The following TEK variants were observed in gnomAD, a reference collection of about 807,000 sequenced individuals.
TEK encodes the protein angiopoietin-1 receptor.
Under a neutral mutation model 131.8 loss-of-function variants are expected in TEK, and 43 were observed. That is an observed-to-expected ratio of 0.33 (90% CI 0.26 to 0.42). The LOEUF is 0.42. TEK is among the 10% of genes least tolerant of loss of function. The pLI, the probability that TEK is intolerant of heterozygous loss-of-function variation, is 1.00. For missense variants in TEK, 1,162 were observed against 1,384.4 expected (o/e 0.84, Z 2.55); for synonymous variants, 580 against 491.6 (o/e 1.18, Z -2.38).
intron 4 of TEK, among the ~76,000 whole-genome samples, chr9:27,171,984 C>A (rs1282738985): frequency 6.6e-6 from 1 of 152,196 alleles, no homozygotes; most frequent in African/African-American, 2.4e-5. Flanking sequence ...GAAGGTCAGA[C>A]ATACCTATAC....
In TEK at chr9:27,177,358, G is replaced by A. The variant is rs530017076; in HGVS notation, c.902-2882G>A. Among the ~76,000 whole-genome samples, 75 of 152,322 alleles carry A rather than the reference G, an allele frequency of 4.9e-4. 1 individual carries two copies. The highest frequency in any genetic ancestry group is 1.6e-3 in the African/African-American group (67 of 41,566). The stretch of plus-strand genomic sequence containing the variant: ...CTACATCCTTGCCATTCTAGCAGGC[G>A]TGATGTGATATCTCATTGTGGTTTT... On this transcript the variant is annotated intron_variant, in intron 6 of 22. Coordinates refer to ENST00000380036, the MANE Select transcript of TEK (RefSeq NM_000459.5).
chr9:27,152,207 A>G (rs1352042217), intron 1 of TEK, among the ~76,000 whole-genome samples: 2 of 152,238 alleles, frequency 1.3e-5, no homozygotes, highest in East Asian at 1.9e-4. Flanking sequence ...TTCTGAAGAC[A>G]TGACGCATTA....
At position 27,229,712 on chromosome 9, in the gene TEK, G is replaced by C. The variant is rs1383521663; in HGVS notation, c.*480G>C. The C allele has an allele frequency of 5.9e-6, 1 of 170,674 alleles. No homozygotes were observed. The highest frequency in any genetic ancestry group is 2.4e-5 in the African/African-American group (1 of 41,758). The allele number at this position is 170,674 out of a possible 1,614,324, so 10.6% of individuals were successfully genotyped here. ...TAACAAGTCATAGGTTAATATTTAA[G>C]ACACTGAAAAATCTAAGTGATATAA... On this transcript the variant is annotated 3_prime_UTR_variant, in exon 23 of 23. Transcript: ENST00000380036.
At chr9:27,163,056 C>G (rs1823602623) in intron 2 of TEK, among the ~76,000 whole-genome samples, 1 of 152,198 alleles carries the variant, frequency 6.6e-6, no homozygotes, top group South Asian at 2.1e-4. Context: ...ACATGTTTTC[C>G]TGAATACTTG....
intron 15 of TEK, among the ~76,000 whole-genome samples, chr9:27,208,868 TTGGCATCTAGTTAGTAGAGGCCAGGA>T (rs879733201): frequency 1.2e-3 from 181 of 152,348 alleles, no homozygotes; most frequent in Middle Eastern, 3.4e-3. Context: ...TGATTGGCTA[TTGGCATCTAGTTAGTAGAGGCCAGGA>T]TGGCTGCAAA....
intron 1 of TEK, among the ~76,000 whole-genome samples, chr9:27,114,962 C>A (rs1035963804): frequency 1.3e-5 from 2 of 152,098 alleles, no homozygotes; most frequent in African/African-American, 4.8e-5. Flanking sequence ...TTGAGGGTTT[C>A]CTTTGAGCCA....
intron 12 of TEK, among the ~76,000 whole-genome samples, chr9:27,201,923 T>C (rs534129772): frequency 6.6e-6 from 1 of 152,258 alleles, no homozygotes; most frequent in African/African-American, 2.4e-5. Context: ...GTTATACAAG[T>C]CAAGAGAGTG....
At chr9:27,145,556 C>T (rs566732537) in intron 1 of TEK, among the ~76,000 whole-genome samples, 42 of 152,326 alleles carry the variant, frequency 2.8e-4, no homozygotes, top group African/African-American at 1.0e-3. Context: ...GATTTAGAAG[C>T]TATCACCCTG....
At chr9:27,179,731 C>A (rs1415231179) in intron 6 of TEK, among the ~76,000 whole-genome samples, 1 of 151,072 alleles carries the variant, frequency 6.6e-6, no homozygotes, top group African/African-American at 2.4e-5. Flanking sequence ...AGCCAAAGAT[C>A]TGGGACTTTT....
Position 27,197,515 on chromosome 9 carries a change from G to A in TEK, c.1825G>A (p.Glu609Lys), listed in dbSNP as rs980201141. 5 of 1,613,940 alleles carry A rather than the reference G, an allele frequency of 3.1e-6. No individual in the cohort carries two copies. The African/African-American group carries it at 4.0e-5, about 13-fold the overall frequency. Residue 609 changes from glutamate to lysine, a missense_variant, in exon 12 of 23, where the codon GAG becomes AAG. Physicochemically the swap from Glu to Lys is moderately conservative, Grantham distance 56. This residue lies in a region of TEK where 477 missense variants were observed against 471.0 expected (regional missense o/e 1.01). Coordinates refer to ENST00000380036, the MANE Select transcript of TEK (RefSeq NM_000459.5). Reference protein sequence around the residue: ...SVLLNNLHPREQYVVRARVNT... With the variant: ...SVLLNNLHPRKQYVVRARVNT... Reference sequence around the variant, plus strand: ...GCTACTTAACAACTTACATCCCAGGGAGCAGTACGTGGTCCGAGCTAGAGT... The same window carrying A: ...GCTACTTAACAACTTACATCCCAGGAAGCAGTACGTGGTCCGAGCTAGAGT...
intron 6 of TEK, among the ~76,000 whole-genome samples, chr9:27,177,557 C>T (rs930539712): frequency 2.6e-5 from 4 of 152,146 alleles, no homozygotes; most frequent in African/African-American, 9.7e-5. Context: ...TCGAGACCAG[C>T]CTGACCAACA....
intron 16 of TEK, among the ~76,000 whole-genome samples, chr9:27,212,358 G>A (rs1460447342): frequency 6.6e-6 from 1 of 152,194 alleles, no homozygotes; most frequent in Non-Finnish European, 1.5e-5. Flanking sequence ...AAATGAAAAG[G>A]TGACGTGAAG....
At chr9:27,112,083 G>C (rs1429086678) in intron 1 of TEK, among the ~76,000 whole-genome samples, 3 of 152,032 alleles carry the variant, frequency 2.0e-5, no homozygotes, top group Non-Finnish European at 4.4e-5. Context: ...ATTTTTAGTA[G>C]AGACGGGGTT....
chr9:27,121,538 AT>A (rs531707359), intron 1 of TEK, among the ~76,000 whole-genome samples: 81 of 150,322 alleles, frequency 5.4e-4, no homozygotes, highest in African/African-American at 1.8e-3. Context: ...GTATAAATAT[AT>A]TTTCCATATT....
In TEK at chr9:27,157,662, T is replaced by C. The variant is rs1823384330; in HGVS notation, c.53-169T>C. ...TAGCTGATGAAGGGTCTTGATGCCT[T>C]GGTAAAGAGTTTTGGATTTTGTCCA... On this transcript the variant is annotated intron_variant, in intron 1 of 22. Coordinates refer to ENST00000380036, the MANE Select transcript of TEK (RefSeq NM_000459.5). 3.9e-5 allele frequency among the ~76,000 whole-genome samples: 6 copies of C among 152,126 alleles called. No individual in the cohort carries two copies. In the South Asian group the frequency reaches 1.2e-3, roughly 31 times the overall value.
At chr9:27,181,118 C>G (rs1178583014) in intron 7 of TEK, among the ~76,000 whole-genome samples, 1 of 152,088 alleles carries the variant, frequency 6.6e-6, no homozygotes, top group African/African-American at 2.4e-5. Context: ...GCTAGGGGTA[C>G]TGACCCTTCT....
In TEK at chr9:27,168,610, GTA is replaced by G. The variant is rs1165037711; in HGVS notation, c.475+7_475+8del. 6.3e-7 allele frequency: 1 copy of G among 1,579,724 alleles called. No individual in the cohort carries two copies. Among genetic ancestry groups the G allele is most frequent in the African/African-American group, 1.3e-5 (1 of 74,188 alleles). Reference sequence around the variant, plus strand: ...ATGCAGTGATTTACAAAAATGGTGAGTATGTGTTTCATTGCTTTCCCCAGTAT... The same window carrying G: ...ATGCAGTGATTTACAAAAATGGTGAGTGTGTTTCATTGCTTTCCCCAGTAT... On this transcript the variant is annotated splice_donor_region_variant and intron_variant, in intron 3 of 22. Transcript: ENST00000380036.
chr9:27,190,796 A>G (rs1368022206), intron 10 of TEK, 106 bp downstream of exon 10: 1 of 1,486,758 alleles, frequency 6.7e-7, no homozygotes, highest in Non-Finnish European at 9.3e-7. Context: ...CTCTACCTCA[A>G]GGTGGTGGCT....
chr9:27,190,379 G>A, intron 9 of TEK, 150 bp from the exon 10 acceptor site: 1 of 868,246 alleles, frequency 1.2e-6, no homozygotes, highest in Non-Finnish European at 1.8e-6. Flanking sequence ...AAAGCAGAGA[G>A]CTTAGAGAGC....
Sources: allele counts gnomAD v4.1 joint callset (sites outside exome capture counted in the v4.1 genomes callset), GRCh38; gene constraint gnomAD v4.1.1; regional missense constraint gnomAD v4.1.1; transcripts MANE v1.5; gene names NCBI Gene and HGNC (gene_info 2026-07-23, HGNC 2026-07-21).